The following JAKMIP1 variants were observed in gnomAD, a reference collection of about 807,000 sequenced individuals.
The protein encoded by JAKMIP1 is janus kinase and microtubule-interacting protein 1.
Under a neutral mutation model 113.0 loss-of-function variants are expected in JAKMIP1, and 33 were observed. The observed-to-expected ratio is 0.29, with a 90% CI of 0.22 to 0.39. The LOEUF (loss-of-function observed/expected upper bound fraction) is 0.39, where lower values mean the gene tolerates loss of function less well. JAKMIP1 is among the 10% of genes least tolerant of loss of function. The pLI, the probability that JAKMIP1 is intolerant of heterozygous loss-of-function variation, is 1.00. For synonymous variants in JAKMIP1, 480 were observed against 459.9 expected (o/e 1.04, Z -0.56); for missense variants, 813 against 1,080.5 (o/e 0.75, Z 3.47).
chr4:6,145,129 A>T (rs902272260), intron 1 of JAKMIP1, among the ~76,000 whole-genome samples: 2 of 152,228 alleles, frequency 1.3e-5, no homozygotes, highest in Non-Finnish European at 2.9e-5. Context: ...GATATAGTCT[A>T]GAGGATGCAA....
At chr4:6,133,595 G>C (rs1010664145) in intron 1 of JAKMIP1, among the ~76,000 whole-genome samples, 4 of 152,210 alleles carry the variant, frequency 2.6e-5, no homozygotes, top group African/African-American at 9.6e-5. Context: ...ATAGTGGGTG[G>C]TGGGCAGGGG....
chr4:6,152,903 G>A (rs374530920), intron 1 of JAKMIP1, among the ~76,000 whole-genome samples: 13 of 151,176 alleles, frequency 8.6e-5, no homozygotes, highest in East Asian at 1.9e-4. Context: ...CCCAGGAGGC[G>A]GAGGTTGCAG....
intron 3 of JAKMIP1, among the ~76,000 whole-genome samples, chr4:6,087,577 C>T (rs1721480099): frequency 6.6e-6 from 1 of 152,074 alleles, no homozygotes; most frequent in Admixed American, 6.5e-5. Context: ...TCCTAGATTC[C>T]AGACTGAGAG....
chr4:6,078,435 C>T lies in JAKMIP1; in HGVS notation c.1302+504G>A, dbSNP rs369261616. On this transcript the variant is annotated intron_variant, in intron 8 of 20. Coordinates refer to ENST00000409021, the MANE Select transcript of JAKMIP1 (RefSeq NM_001099433.2). ...TTTTTTTTTGGTATCAGCTCCAGTG[C>T]GCTCTTTACATTCCAGATTGGTCCC... Among the ~76,000 whole-genome samples, 10 of 142,130 alleles carry T rather than the reference C, an allele frequency of 7.0e-5. No individual in the cohort carries two copies. The South Asian group carries it at 9.0e-4, about 13-fold the overall frequency. 93.2% of individuals were successfully genotyped at this position (142,130 alleles called of 152,430 possible).
In JAKMIP1 at chr4:6,058,930, G is replaced by C. The variant is rs117353023; in HGVS notation, c.1644+1494C>G. On this transcript the variant is annotated intron_variant, in intron 11 of 20. Coordinates refer to ENST00000409021, the MANE Select transcript of JAKMIP1 (RefSeq NM_001099433.2). ...AAAAACAAAAAAGCCTTATCATCTC[G>C]CACCTGGATTTCTGCCCCAGCTACT... 4.0e-4 allele frequency among the ~76,000 whole-genome samples: 61 copies of C among 152,274 alleles called. 1 individual carries two copies. The East Asian group carries it at 0.01, about 26-fold the overall frequency.
Position 6,116,625 on chromosome 4 carries a change from C to G in JAKMIP1, c.-147-3628G>C, listed in dbSNP as rs1314656665. Among the ~76,000 whole-genome samples the G allele has an allele frequency of 2.6e-5, 4 of 152,230 alleles. No individual in the cohort carries two copies. Among genetic ancestry groups the G allele is most frequent in the African/African-American group, 9.6e-5 (4 of 41,458 alleles). The stretch of plus-strand genomic sequence containing the variant: ...ATCTCTGCAGCCCACCCATCTCTGA[C>G]ATCACATGTCCCCTGTCCCAGCCTC... On this transcript the variant is annotated intron_variant, in intron 1 of 20. Coordinates refer to ENST00000409021, the MANE Select transcript of JAKMIP1 (RefSeq NM_001099433.2). The surrounding 1 kb of genome is among the most constrained non-coding windows in gnomAD (Gnocchi z 5.1).
At chr4:6,045,920 A>T (rs146783621) in intron 16 of JAKMIP1, among the ~76,000 whole-genome samples, 2,834 of 152,334 alleles carry the variant, frequency 0.019, 27 homozygotes, top group Non-Finnish European at 0.031. Context: ...ACTTCCACTT[A>T]TTCGGATACC....
chr4:6,047,927 A>G (rs1424176128), intron 16 of JAKMIP1, among the ~76,000 whole-genome samples: 1 of 152,250 alleles, frequency 6.6e-6, no homozygotes, highest in East Asian at 1.9e-4. Context: ...AGTATTTTTA[A>G]TATGTAAAGC....
rs1560291272 is a variant in JAKMIP1, at chr4:6,157,150, G to A, written c.-148+43103C>T. On this transcript the variant is annotated intron_variant, in intron 1 of 20. Coordinates refer to ENST00000409021, the MANE Select transcript of JAKMIP1 (RefSeq NM_001099433.2). The surrounding 1 kb of genome is among the most constrained non-coding windows in gnomAD (Gnocchi z 4.7). ...GCCCTGCTGCCTTCTGCCATGAGAT[G>A]TGGCAAGAAGGCCCTTGCCAGATGC... 6.6e-6 allele frequency among the ~76,000 whole-genome samples: 1 copy of A among 152,232 alleles called. No individual in the cohort carries two copies. Among genetic ancestry groups the A allele is most frequent in the Admixed American group, 6.5e-5 (1 of 15,280 alleles).
rs979678745 is a variant in JAKMIP1 at position 6,118,049 on chromosome 4, G to T, written c.-147-5052C>A. 2.6e-5 allele frequency among the ~76,000 whole-genome samples: 4 copies of T among 152,332 alleles called. No homozygotes were observed. In the South Asian group the frequency reaches 6.2e-4, roughly 24 times the overall value. On this transcript the variant is annotated intron_variant, in intron 1 of 20. Transcript: ENST00000409021. ...TCCTTCTTGGCTGACAGGATTAAGA[G>T]ATTAAAGTAAAGACAGGCATAGGAA...
rs1173816519 is a variant in JAKMIP1 at position 6,129,987 on chromosome 4, G to A, written c.-147-16990C>T. ...TATGTCCCAGTGAAGCCAAGTTCAG[G>A]AGAAGAGGCCTCTCTAAATTTGGAA... is the stretch of plus-strand genomic sequence containing the variant. On this transcript the variant is annotated intron_variant, in intron 1 of 20. Coordinates refer to ENST00000409021, the MANE Select transcript of JAKMIP1 (RefSeq NM_001099433.2). This position sits in a 1 kb window ranked among gnomAD's most constrained non-coding sequence, Gnocchi z 5.4. Among the ~76,000 whole-genome samples the A allele has an allele frequency of 6.6e-6, 1 of 152,200 alleles. No homozygotes were observed. Among genetic ancestry groups the A allele is most frequent in the Non-Finnish European group, 1.5e-5 (1 of 68,042 alleles).
chr4:6,177,895 A>C (rs947346395), intron 1 of JAKMIP1, among the ~76,000 whole-genome samples: 3 of 152,194 alleles, frequency 2.0e-5, no homozygotes, highest in African/African-American at 7.2e-5. Flanking sequence ...AGCCCCAGCC[A>C]AGATGCCTCA....
chr4:6,103,357 C>T (rs1713402172), intron 3 of JAKMIP1, among the ~76,000 whole-genome samples: 1 of 152,090 alleles, frequency 6.6e-6, no homozygotes, highest in African/African-American at 2.4e-5. Flanking sequence ...TCAGAATAAA[C>T]CCAGCTGGGT....
Position 6,183,749 on chromosome 4 carries a change from C to A in JAKMIP1, c.-148+16504G>T, listed in dbSNP as rs952137875. ...CCAATATTAACCCTGGTAGACCCCA[C>A]TGCAGGGACCTGGGCTGCCAGGTGA... is the stretch of plus-strand genomic sequence containing the variant. On this transcript the variant is annotated intron_variant, in intron 1 of 20. Transcript: ENST00000409021. The surrounding 1 kb of genome is among the most constrained non-coding windows in gnomAD (Gnocchi z 5.3). Among the ~76,000 whole-genome samples the A allele has an allele frequency of 1.3e-5, 2 of 152,198 alleles. No homozygotes were observed. The highest frequency in any genetic ancestry group is 2.1e-4 in the South Asian group (1 of 4,824).
rs1722586244 is a variant in JAKMIP1 at position 6,094,850 on chromosome 4, G to T, written c.625-9221C>A. On this transcript the variant is annotated intron_variant, in intron 3 of 20. Transcript: ENST00000409021. The surrounding 1 kb of genome is among the most constrained non-coding windows in gnomAD (Gnocchi z 4.2). ...CTCTGCAAAAAATACAAAAAAATTA[G>T]CTGGGCATAGGTGGTCCTGGCTATT... Among the ~76,000 whole-genome samples, 1 of 152,094 alleles carries T rather than the reference G, an allele frequency of 6.6e-6. No individual in the cohort carries two copies. Among genetic ancestry groups the T allele is most frequent in the Non-Finnish European group, 1.5e-5 (1 of 68,018 alleles).
In JAKMIP1 at chr4:6,049,332, C is replaced by T. The variant is rs1296983087; in HGVS notation, c.1963-410G>A. On this transcript the variant is annotated intron_variant, in intron 15 of 20. Transcript: ENST00000409021. This position sits in a 1 kb window ranked among gnomAD's most constrained non-coding sequence, Gnocchi z 7.0. ...ATTACAGGCGTGAGCCACCATGCCC[C>T]GCCAACACCAAGCGACTTTCCTAGC... Among the ~76,000 whole-genome samples the T allele has an allele frequency of 2.6e-5, 4 of 152,280 alleles. No individual in the cohort carries two copies. Among genetic ancestry groups the T allele is most frequent in the Non-Finnish European group, 2.9e-5 (2 of 68,024 alleles).
Position 6,145,618 on chromosome 4 carries a change from G to A in JAKMIP1, c.-147-32621C>T, listed in dbSNP as rs548004971. Among the ~76,000 whole-genome samples, 325 of 152,302 alleles carry A rather than the reference G, an allele frequency of 2.1e-3. 3 individuals are homozygous for A. Among genetic ancestry groups the A allele is most frequent in the Non-Finnish European group, 3.5e-3 (235 of 68,036 alleles). ...CTGCAGCATTATTCACAATAGCCAA[G>A]AGGTGGAAACAACCTATATTTGTGT... On this transcript the variant is annotated intron_variant, in intron 1 of 20. Coordinates refer to ENST00000409021, the MANE Select transcript of JAKMIP1 (RefSeq NM_001099433.2).
At position 6,050,785 on chromosome 4, in the gene JAKMIP1, C is replaced by A; in HGVS notation, c.1807-106G>T. ...ACCAAGGAATTCCAGTGGGCACAGA[C>A]GTTACTAAAAAGCACGAGTTCGGAC... On this transcript the variant is annotated intron_variant, in intron 13 of 20. Coordinates refer to ENST00000409021, the MANE Select transcript of JAKMIP1 (RefSeq NM_001099433.2). The surrounding 1 kb of genome is among the most constrained non-coding windows in gnomAD (Gnocchi z 7.4). 1 of 893,674 alleles carries A rather than the reference C, an allele frequency of 1.1e-6. No individual in the cohort carries two copies. Among genetic ancestry groups the A allele is most frequent in the Non-Finnish European group, 1.8e-6 (1 of 570,750 alleles). 55.4% of individuals were successfully genotyped at this position (893,674 alleles called of 1,614,324 possible). A position where few individuals can be genotyped will look rare whatever the true frequency, so the allele number is the denominator to read the frequency against.
intron 20 of JAKMIP1, among the ~76,000 whole-genome samples, chr4:6,028,177 T>C (rs1483140933): frequency 6.6e-6 from 1 of 152,238 alleles, no homozygotes; most frequent in Non-Finnish European, 1.5e-5. Flanking sequence ...CTCATCTATC[T>C]GCGAAACCAG....
Sources: gnomAD v4.1 joint callset for allele counts (sites outside exome capture counted in the v4.1 genomes callset) on GRCh38, gnomAD v4.1.1 for gene constraint, Gnocchi (gnomAD v3.1) non-coding constraint, MANE v1.5 for transcripts, NCBI Gene and HGNC (gene_info 2026-07-23, HGNC 2026-07-21) for gene names.